The following RNF38 variants were observed in gnomAD, a reference collection of about 807,000 sequenced individuals.
RNF38 encodes the protein E3 ubiquitin-protein ligase RNF38.
RNF38 carries 15 observed loss-of-function variants against 67.2 expected under a neutral mutation model. That is an observed-to-expected ratio of 0.22 (90% CI 0.15 to 0.34). RNF38 has a LOEUF of 0.34. Ranked by LOEUF, RNF38 falls within the 10% of genes least tolerant of loss-of-function variation. The probability of loss-of-function intolerance (pLI) is 1.00; values close to 1 mark genes in which losing one functional copy is unlikely to be tolerated. For missense variants in RNF38, 524 were observed against 639.9 expected, an observed-to-expected ratio of 0.82 and a Z score of 1.95; for synonymous variants, 220 against 218.8, an observed-to-expected ratio of 1.01 and a Z score of -0.05.
intron 1 of RNF38, among the ~76,000 whole-genome samples, chr9:36,471,071 GCCTAACACAACGATGTGCTTTTT>G (rs1490601025): frequency 6.6e-6 from 1 of 152,102 alleles, no homozygotes; most frequent in African/African-American, 2.4e-5. Context: ...GCTTGACTCA[GCCTAACACAACGATGTGCTTTTT>G]TAAGGCACTT....
At chr9:36,435,348 T>C (rs191578712) in intron 1 of RNF38, among the ~76,000 whole-genome samples, 1 of 152,294 alleles carries the variant, frequency 6.6e-6, no homozygotes, top group Non-Finnish European at 1.5e-5. Flanking sequence ...TACTTGAGGT[T>C]GCCAAGTTGA....
intron 1 of RNF38, among the ~76,000 whole-genome samples, chr9:36,432,696 G>GGCA (rs930147022): frequency 6.6e-6 from 1 of 152,090 alleles, no homozygotes; most frequent in Non-Finnish European, 1.5e-5. Flanking sequence ...GGGAGGCTGA[G>GGCA]GCAGGAGAAT....
At position 36,451,508 on chromosome 9, in the gene RNF38, T is replaced by TTC. The variant is rs1564068057; in HGVS notation, n.242-26826_242-26825insGA. 3.0e-4 allele frequency among the ~76,000 whole-genome samples: 40 copies of TTC among 133,468 alleles called. 2 individuals are homozygous for TTC. The highest frequency in any genetic ancestry group is 1.2e-3 in the African/African-American group (37 of 30,956). The allele number at this position is 133,468 out of a possible 152,430, so 87.6% of individuals were successfully genotyped here. A position where few individuals can be genotyped will look rare whatever the true frequency, so the allele number is the denominator to read the frequency against. ...TTGTAGTAGTTTTTTTTTTTTTTTTTTTTTTTTTTGAGACGGAGTTTCGCT... is the reference window on the plus strand; with the variant it reads ...TTGTAGTAGTTTTTTTTTTTTTTTTTTCTTTTTTTTTGAGACGGAGTTTCGCT... On this transcript the variant is annotated intron_variant and non_coding_transcript_variant, in intron 1 of 3. Transcript: ENST00000488058.
At chr9:36,461,744 C>T (rs111585242) in intron 1 of RNF38, among the ~76,000 whole-genome samples, 20 of 152,230 alleles carry the variant, frequency 1.3e-4, no homozygotes, top group Non-Finnish European at 2.6e-4. Context: ...GTAAGAAAAA[C>T]AAAGGTGCCA....
intron 3 of RNF38, among the ~76,000 whole-genome samples, chr9:36,374,830 A>G (rs1835667237): frequency 6.6e-6 from 1 of 152,074 alleles, no homozygotes; most frequent in African/African-American, 2.4e-5. Flanking sequence ...TAACCTTATG[A>G]CCTCATTTAA....
At chr9:36,372,172 G>A (rs922051167) in intron 3 of RNF38, among the ~76,000 whole-genome samples, 9 of 151,966 alleles carry the variant, frequency 5.9e-5, no homozygotes, top group African/African-American at 1.7e-4. Context: ...CTTGTGATCC[G>A]CCCACCTCAG....
chr9:36,401,733 G>A (rs1838042310), upstream of RNF38, among the ~76,000 whole-genome samples: 1 of 152,204 alleles, frequency 6.6e-6, no homozygotes, highest in Non-Finnish European at 1.5e-5. Context: ...TAAGGAGAGA[G>A]GGCAGTCAAG....
At chr9:36,341,413 G>A (rs1017634686) in intron 11 of RNF38, among the ~76,000 whole-genome samples, 1 of 152,022 alleles carries the variant, frequency 6.6e-6, no homozygotes, top group Admixed American at 6.5e-5. Flanking sequence ...TATCCAAACC[G>A]GAACACTTAA....
intron 1 of RNF38, among the ~76,000 whole-genome samples, chr9:36,391,326 G>A (rs545554523): frequency 6.6e-6 from 1 of 152,010 alleles, no homozygotes; most frequent in East Asian, 1.9e-4. Context: ...AAAAATAAAT[G>A]TTTGACTTGA....
At chr9:36,485,554 TGTAA>T (rs1207730062) in intron 1 of RNF38, among the ~76,000 whole-genome samples, 1 of 152,214 alleles carries the variant, frequency 6.6e-6, no homozygotes, top group Non-Finnish European at 1.5e-5. Context: ...TTTCCCTGAT[TGTAA>T]GTCTCTCACA....
chr9:36,428,454 C>CATATATATATATATAT (rs10588812), intron 1 of RNF38, among the ~76,000 whole-genome samples: 7 of 146,128 alleles, frequency 4.8e-5, no homozygotes, highest in African/African-American at 1.5e-4. Context: ...CTATTGTTTA[C>CATATATATATATATAT]ATATATATAT....
chr9:36,452,082 A>G (rs7047942), intron 1 of RNF38, among the ~76,000 whole-genome samples: 151,027 of 152,150 alleles, frequency 0.99, 74,964 homozygotes, highest in Middle Eastern at 1. Flanking sequence ...AAATAGACAC[A>G]CACGATGCCG....
chr9:36,342,071 C>A (rs1034920625), intron 11 of RNF38, among the ~76,000 whole-genome samples: 1 of 152,092 alleles, frequency 6.6e-6, no homozygotes, highest in African/African-American at 2.4e-5. Flanking sequence ...AAGTTCGGGC[C>A]TTGTCCCTAT....
At position 36,462,785 on chromosome 9, in the gene RNF38, G is replaced by A. The variant is rs183125829; in HGVS notation, n.241+24523C>T. On this transcript the variant is annotated intron_variant and non_coding_transcript_variant, in intron 1 of 3. Transcript: ENST00000488058. ...CGCCTCCCAGGTTTAAGTGATTGTC[G>A]TGCCTCAGCCTCCCGAGTAGCTAGG... Among the ~76,000 whole-genome samples the A allele has an allele frequency of 1.4e-3, 216 of 151,166 alleles. 1 individual carries two copies. The highest frequency in any genetic ancestry group is 5.2e-4 in the Non-Finnish European group (35 of 67,858).
chr9:36,471,339 T>G (rs562423226), intron 1 of RNF38, among the ~76,000 whole-genome samples: 1 of 152,332 alleles, frequency 6.6e-6, no homozygotes, highest in South Asian at 2.1e-4. Context: ...AAAAATAAAT[T>G]TGAGCCTTGT....
intron 9 of RNF38, among the ~76,000 whole-genome samples, chr9:36,345,272 C>T (rs999330636): frequency 1.3e-5 from 2 of 152,146 alleles, no homozygotes. Flanking sequence ...CTATCCATTA[C>T]GCAGGTCAAT....
intron 1 of RNF38, among the ~76,000 whole-genome samples, chr9:36,454,403 A>G (rs1839534218): frequency 6.6e-6 from 1 of 152,082 alleles, no homozygotes; most frequent in South Asian, 2.1e-4. Flanking sequence ...TGCTGGGGTT[A>G]CAGGCATGAA....
chr9:36,346,214 C>T (rs1390473917), intron 9 of RNF38, among the ~76,000 whole-genome samples: 1 of 152,006 alleles, frequency 6.6e-6, no homozygotes, highest in Non-Finnish European at 1.5e-5. Flanking sequence ...ATTATTATGC[C>T]CTTTTTTTTG....
At chr9:36,411,303 C>G (rs1264722642) in intron 2 of RNF38, among the ~76,000 whole-genome samples, 1 of 152,116 alleles carries the variant, frequency 6.6e-6, no homozygotes, top group Non-Finnish European at 1.5e-5. Flanking sequence ...ACTGGAATCT[C>G]TCTGCACTGT....
Sources: allele counts gnomAD v4.1 joint callset (sites outside exome capture counted in the v4.1 genomes callset), GRCh38; gene constraint gnomAD v4.1.1; transcripts MANE v1.5; gene names NCBI Gene and HGNC (gene_info 2026-07-23, HGNC 2026-07-21).